Variants in CNOT4 observed in about 807,000 individuals in gnomAD.
The protein encoded by CNOT4 is CCR4-NOT transcription complex subunit 4.
In CNOT4, 8 loss-of-function variants were observed where a neutral mutation model predicts 73.8. The observed-to-expected ratio is 0.11, with a 90% CI of 0.06 to 0.20. The LOEUF is 0.20. Among genes scored for constraint, CNOT4 ranks in the 10% least tolerant of loss-of-function variants. The probability of loss-of-function intolerance (pLI) is 1.00; values close to 1 mark genes in which losing one functional copy is unlikely to be tolerated. For missense variants in CNOT4, 564 were observed against 883.4 expected (o/e 0.64, Z 4.58); for synonymous variants, 293 against 321.1 (o/e 0.91, Z 0.94).
At chr7:135,384,574 C>G in intron 10 of CNOT4, 2 of 714,718 alleles carry the variant, frequency 2.8e-6, no homozygotes, top group East Asian at 2.5e-5. Flanking sequence ...CGTGAGCCAC[C>G]GCGCCTGGCC....
chr7:135,475,458 A>T lies in CNOT4; in HGVS notation c.-93+34431T>A, dbSNP rs527769675. Reference sequence around the variant, plus strand: ...AGTGTGCAGTGAAATGGTTAAAAAAATTTTTAATTAAAAAAACTGAATTTG... The same window carrying T: ...AGTGTGCAGTGAAATGGTTAAAAAATTTTTTAATTAAAAAAACTGAATTTG... On this transcript the variant is annotated intron_variant, in intron 1 of 11. Transcript: ENST00000541284. Among the ~76,000 whole-genome samples, 42 of 152,314 alleles carry T rather than the reference A, an allele frequency of 2.8e-4. No homozygotes were observed. In the East Asian group the frequency reaches 6.9e-3, roughly 25 times the overall value.
intron 1 of CNOT4, among the ~76,000 whole-genome samples, chr7:135,476,690 G>A (rs942442639): frequency 2.0e-5 from 3 of 151,988 alleles, no homozygotes; most frequent in East Asian, 3.9e-4. Context: ...AAAAAGAAAA[G>A]GCTGGGTACA....
chr7:135,501,118 G>A (rs1585741955), intron 1 of CNOT4, among the ~76,000 whole-genome samples: 4 of 151,630 alleles, frequency 2.6e-5, no homozygotes, highest in South Asian at 4.2e-4. Flanking sequence ...CCAAGTAGCT[G>A]GGATTACAGG....
In CNOT4 at chr7:135,363,971, G is replaced by A. The variant is rs11976681; in HGVS notation, c.1723C>T (p.Pro575Ser). ...PNININFGGL[P>S]NSSSPSNANH... Reference sequence around the variant, plus strand: ...GCGTTGGAGGGGGAAGAAGAATTGGGCAGTCCACCAAAGTTGATGTTAATG... The same window carrying A: ...GCGTTGGAGGGGGAAGAAGAATTGGACAGTCCACCAAAGTTGATGTTAATG... Residue 575 changes from proline to serine, a missense_variant, in exon 11 of 12, where the codon CCC becomes TCC. This residue lies in a region of CNOT4 where 53 missense variants were observed against 75.4 expected (regional missense o/e 0.70). Transcript: ENST00000541284. The surrounding 1 kb of genome is among the most constrained non-coding windows in gnomAD (Gnocchi z 4.3). 4 of 1,598,296 alleles carry A rather than the reference G, an allele frequency of 2.5e-6. No homozygotes were observed. The highest frequency in any genetic ancestry group is 1.7e-6 in the Non-Finnish European group (2 of 1,179,724).
chr7:135,362,932 T>C lies in CNOT4; in HGVS notation c.2095A>G (p.Lys699Glu). The change falls in exon 12 of 12, where the codon AAA becomes GAA. Residue 699 changes from lysine to glutamate, a missense_variant. Lys to Glu is a moderately conservative substitution (Grantham distance 56). Coordinates refer to ENST00000541284, the MANE Select transcript of CNOT4 (RefSeq NM_001190850.2). ...CTCTGTAGTAAATCTGTGGGGGTTT[T>C]GCTGGGGGGTCTGAAGGCTGTCTGA... ...GFQTAFRPPS[K>E]TPTDLLQSST... is the part of the protein sequence containing the mutation. The C allele has an allele frequency of 1.2e-6, 2 of 1,608,148 alleles. No homozygotes were observed. Among genetic ancestry groups the C allele is most frequent in the Non-Finnish European group, 1.7e-6 (2 of 1,178,224 alleles).
chr7:135,429,767 G>A (rs1430686011), intron 2 of CNOT4, among the ~76,000 whole-genome samples: 2 of 152,178 alleles, frequency 1.3e-5, no homozygotes, highest in Non-Finnish European at 2.9e-5. Flanking sequence ...TGAAGAAACA[G>A]GCAATGAACA....
intron 7 of CNOT4, among the ~76,000 whole-genome samples, chr7:135,401,879 T>C (rs541091101): frequency 6.6e-6 from 1 of 152,252 alleles, no homozygotes; most frequent in East Asian, 1.9e-4. Context: ...CTGAAGTCCA[T>C]AAATACCATG....
At position 135,447,343 on chromosome 7, in the gene CNOT4, T is replaced by C. The variant is rs140311130; in HGVS notation, c.-92-8920A>G. Among the ~76,000 whole-genome samples the C allele has an allele frequency of 1.6e-3, 244 of 152,332 alleles. 2 individuals are homozygous for C. The highest frequency in any genetic ancestry group is 5.5e-3 in the African/African-American group (229 of 41,582). On this transcript the variant is annotated intron_variant, in intron 1 of 11. Coordinates refer to ENST00000541284, the MANE Select transcript of CNOT4 (RefSeq NM_001190850.2). ...TTTAAATTAGGTGCCAAAGTACCAA[T>C]GTATATCTACCATGAATATTCATAT...
chr7:135,391,899 C>G lies in CNOT4; in HGVS notation c.1627+2019G>C, dbSNP rs137899126. 1.4e-3 allele frequency among the ~76,000 whole-genome samples: 215 copies of G among 152,088 alleles called. 4 individuals are homozygous for G. In the East Asian group the frequency reaches 0.038, roughly 27 times the overall value. ...AATAACTAGAATCCCATAAAGGCATCCTACTTCCTATCATACCAAGTCCAT... is the reference window on the plus strand; with the variant it reads ...AATAACTAGAATCCCATAAAGGCATGCTACTTCCTATCATACCAAGTCCAT... On this transcript the variant is annotated intron_variant, in intron 10 of 11. Transcript: ENST00000541284.
chr7:135,364,958 T>C lies in CNOT4; in HGVS notation c.1628-892A>G, dbSNP rs1585536162. On this transcript the variant is annotated intron_variant, in intron 10 of 11. Coordinates refer to ENST00000541284, the MANE Select transcript of CNOT4 (RefSeq NM_001190850.2). The surrounding 1 kb of genome is among the most constrained non-coding windows in gnomAD (Gnocchi z 4.3). ...CCTAATTGTTTAACAAATACTTAGA[T>C]AGTTGTTTTATTTTTGAAAATAGCA... 6.6e-6 allele frequency among the ~76,000 whole-genome samples: 1 copy of C among 152,338 alleles called. No individual in the cohort carries two copies. The highest frequency in any genetic ancestry group is 1.9e-4 in the East Asian group (1 of 5,192).
intron 1 of CNOT4, among the ~76,000 whole-genome samples, chr7:135,493,981 C>G (rs929036956): frequency 5.0e-5 from 7 of 141,120 alleles, no homozygotes; most frequent in Admixed American, 7.3e-5. Flanking sequence ...AGTATTGTAT[C>G]AAAAAAAAGA....
At chr7:135,403,866 T>C (rs989632689) in intron 7 of CNOT4, among the ~76,000 whole-genome samples, 15 of 152,234 alleles carry the variant, frequency 9.9e-5, no homozygotes, top group African/African-American at 3.6e-4. Flanking sequence ...CACTTATTCA[T>C]AAATTCTGTA....
At chr7:135,422,784 G>A (rs1214221337) in intron 2 of CNOT4, among the ~76,000 whole-genome samples, 2 of 152,156 alleles carry the variant, frequency 1.3e-5, no homozygotes, top group Admixed American at 1.3e-4. Context: ...GGAGATTAAT[G>A]AAGTTACACA....
At chr7:135,471,775 A>C (rs1801594748) in intron 1 of CNOT4, among the ~76,000 whole-genome samples, 1 of 152,186 alleles carries the variant, frequency 6.6e-6, no homozygotes, top group Admixed American at 6.5e-5. Flanking sequence ...TATACACGTA[A>C]ATCTTGGCAC....
intron 7 of CNOT4, among the ~76,000 whole-genome samples, chr7:135,401,587 A>T (rs1033670530): frequency 3.3e-5 from 5 of 152,078 alleles, no homozygotes; most frequent in African/African-American, 7.2e-5. Flanking sequence ...GATTTTTTTT[A>T]AAAAAACCAT....
chr7:135,506,620 T>G (rs973767711), intron 1 of CNOT4, among the ~76,000 whole-genome samples: 1 of 152,028 alleles, frequency 6.6e-6, no homozygotes, highest in East Asian at 1.9e-4. Flanking sequence ...GAGGCCAAGG[T>G]GGGCGGATCA....
intron 1 of CNOT4, among the ~76,000 whole-genome samples, chr7:135,485,724 G>A (rs550004108): frequency 1.3e-5 from 2 of 152,088 alleles, no homozygotes; most frequent in African/African-American, 2.4e-5. Context: ...AAGGGAAGCG[G>A]GACAAGAAGG....
In CNOT4 at chr7:135,394,277, A is replaced by C. The variant is rs1291147987; in HGVS notation, c.1268T>G (p.Leu423Arg). 1 of 1,614,214 alleles carries C rather than the reference A, an allele frequency of 6.2e-7. No individual in the cohort carries two copies. Among genetic ancestry groups the C allele is most frequent in the South Asian group, 1.1e-5 (1 of 91,084 alleles). The change falls in exon 10 of 12, where the codon CTG becomes CGG. Residue 423 changes from leucine to arginine, a missense_variant. Coordinates refer to ENST00000541284, the MANE Select transcript of CNOT4 (RefSeq NM_001190850.2). ...KALADLIEKE[L>R]SVQDQPSLSP... ...AAGGGAAGGTTGGTCTTGAACGGACAGTTCCTTCTCAATCAGGTCTGCTAA... is the reference window on the plus strand; with the variant it reads ...AAGGGAAGGTTGGTCTTGAACGGACCGTTCCTTCTCAATCAGGTCTGCTAA...
intron 7 of CNOT4, among the ~76,000 whole-genome samples, chr7:135,406,286 A>G (rs1797276161): frequency 6.8e-6 from 1 of 147,950 alleles, no homozygotes; most frequent in Non-Finnish European, 1.5e-5. Flanking sequence ...ATTAAAACAG[A>G]AAACATCCCC....
Sources: gnomAD v4.1 joint callset for allele counts (sites outside exome capture counted in the v4.1 genomes callset) on GRCh38, gnomAD v4.1.1 for gene constraint, gnomAD v4.1.1 regional missense constraint, Gnocchi (gnomAD v3.1) non-coding constraint, MANE v1.5 for transcripts, NCBI Gene and HGNC (gene_info 2026-07-23, HGNC 2026-07-21) for gene names.